The following SH3PXD2B variants were observed in gnomAD, a reference collection of about 807,000 sequenced individuals.
SH3PXD2B encodes SH3 and PX domains 2B.
SH3PXD2B carries 37 observed loss-of-function variants against 73.1 expected under a neutral mutation model. The observed-to-expected ratio is 0.51, with a 90% CI of 0.39 to 0.67. SH3PXD2B has a LOEUF of 0.67. Ranked by LOEUF, SH3PXD2B falls within the 30% of genes least tolerant of loss-of-function variation. SH3PXD2B has a pLI of 0.00. For missense variants in SH3PXD2B, 1,053 were observed against 1,197.8 expected, an observed-to-expected ratio of 0.88 and a Z score of 1.78; for synonymous variants, 457 against 480.5, an observed-to-expected ratio of 0.95 and a Z score of 0.64.
intron 1 of SH3PXD2B, among the ~76,000 whole-genome samples, chr5:172,423,278 C>T (rs905924694): frequency 1.4e-4 from 22 of 152,188 alleles, no homozygotes; most frequent in African/African-American, 5.1e-4. Context: ...ACCTGTGACC[C>T]ATTCCTGGAC....
chr5:172,374,100 A>C (rs1037127454), intron 5 of SH3PXD2B, among the ~76,000 whole-genome samples: 2 of 152,164 alleles, frequency 1.3e-5, no homozygotes, highest in African/African-American at 4.8e-5. Context: ...TTGCAGTTTG[A>C]AAATAGGAGT....
At chr5:172,373,693 A>G in intron 6 of SH3PXD2B, 97 bp downstream of exon 6, 1 of 1,385,448 alleles carries the variant, frequency 7.2e-7, no homozygotes, top group Admixed American at 2.0e-5. Flanking sequence ...ACATCACTGT[A>G]TCCTCAGCAT....
At chr5:172,381,447 G>A (rs2113371430) in intron 5 of SH3PXD2B, among the ~76,000 whole-genome samples, 1 of 152,358 alleles carries the variant, frequency 6.6e-6, no homozygotes, top group East Asian at 1.9e-4. Context: ...TAAGCAGGCG[G>A]TGCTAGAGTT....
chr5:172,387,448 T>C (rs1430216278), intron 4 of SH3PXD2B, among the ~76,000 whole-genome samples: 1 of 152,216 alleles, frequency 6.6e-6, no homozygotes, highest in African/African-American at 2.4e-5. Flanking sequence ...AGAAATATTC[T>C]CAGACACTCT....
intron 6 of SH3PXD2B, among the ~76,000 whole-genome samples, chr5:172,372,507 C>T (rs1757728387): frequency 6.6e-6 from 1 of 152,134 alleles, no homozygotes; most frequent in African/African-American, 2.4e-5. Context: ...TATAAATTAT[C>T]CAGTCACAGG....
intron 2 of SH3PXD2B, among the ~76,000 whole-genome samples, chr5:172,413,120 C>T (rs1372893918): frequency 1.3e-5 from 2 of 152,210 alleles, no homozygotes; most frequent in Non-Finnish European, 2.9e-5. Flanking sequence ...ATCACAAAAC[C>T]CCCAAGTCCC....
chr5:172,416,721 T>G (rs1758835562), intron 2 of SH3PXD2B, among the ~76,000 whole-genome samples: 3 of 117,622 alleles, frequency 2.6e-5, no homozygotes, highest in Non-Finnish European at 3.5e-5. Context: ...TTTTTTTTTT[T>G]TTTTTGATAT....
At chr5:172,431,788 G>A (rs1163385134) in intron 1 of SH3PXD2B, among the ~76,000 whole-genome samples, 1 of 152,102 alleles carries the variant, frequency 6.6e-6, no homozygotes, top group African/African-American at 2.4e-5. Flanking sequence ...AGAAATACAG[G>A]GTTAGGGTCT....
At chr5:172,402,114 C>A (rs1265213885) in intron 3 of SH3PXD2B, among the ~76,000 whole-genome samples, 1 of 152,144 alleles carries the variant, frequency 6.6e-6, no homozygotes, top group Non-Finnish European at 1.5e-5. Context: ...CAAGGAACAG[C>A]CCTGAGAAAG....
chr5:172,326,077 G>A (rs1477690927), intron 12 of SH3PXD2B, among the ~76,000 whole-genome samples: 2 of 152,166 alleles, frequency 1.3e-5, no homozygotes, highest in African/African-American at 2.4e-5. Flanking sequence ...GTGAGCCACC[G>A]CGCCTGGCTG....
chr5:172,439,719 C>CACAT (rs1759508467), intron 1 of SH3PXD2B, among the ~76,000 whole-genome samples: 1 of 151,910 alleles, frequency 6.6e-6, no homozygotes, highest in African/African-American at 2.4e-5. Context: ...CACACACACA[C>CACAT]ACACACACAC....
At chr5:172,386,218 G>C (rs1402044640) in intron 4 of SH3PXD2B, among the ~76,000 whole-genome samples, 1 of 152,166 alleles carries the variant, frequency 6.6e-6, no homozygotes, top group Non-Finnish European at 1.5e-5. Context: ...CATCTTGGAG[G>C]GCTGTGCTAT....
intron 12 of SH3PXD2B, among the ~76,000 whole-genome samples, chr5:172,342,320 G>A (rs185663041): frequency 2.1e-3 from 321 of 152,280 alleles, no homozygotes; most frequent in African/African-American, 7.2e-3. Context: ...CCTGTGAGTG[G>A]GGAACTGTCA....
rs1029631300 is a variant in SH3PXD2B, at chr5:172,445,912, A to T, written c.75+8366T>A. 1.3e-5 allele frequency among the ~76,000 whole-genome samples: 2 copies of T among 152,212 alleles called. No homozygotes were observed. Among genetic ancestry groups the T allele is most frequent in the African/African-American group, 2.4e-5 (1 of 41,458 alleles). On this transcript the variant is annotated intron_variant, in intron 1 of 12. Transcript: ENST00000311601. This position sits in a 1 kb window ranked among gnomAD's most constrained non-coding sequence, Gnocchi z 5.2. ...AGTTTGGAGAATGGGGCAGAGGCCG[A>T]TGGCTTGTGGCGGAGCTCAGGTCCG...
In SH3PXD2B at chr5:172,353,962, C is replaced by T; in HGVS notation, c.711G>A (p.Gln237=). The change falls in exon 9 of 13, where the codon CAG becomes CAA. Residue 237 remains glutamine, a synonymous_variant. Transcript: ENST00000311601. This position sits in a 1 kb window ranked among gnomAD's most constrained non-coding sequence, Gnocchi z 4.3. The part of the protein sequence containing the change: ...TVIYPYTARD[Q]DEMNLERGAV... ...CCCCTCTCTCCAGGTTCATTTCATC[C>T]TGGTCCCGAGCTGTGTACGGGTAGA... 6.2e-7 allele frequency: 1 copy of T among 1,614,154 alleles called. No homozygotes were observed. Among genetic ancestry groups the T allele is most frequent in the South Asian group, 1.1e-5 (1 of 91,084 alleles).
intron 3 of SH3PXD2B, among the ~76,000 whole-genome samples, chr5:172,401,058 G>A (rs1326965608): frequency 2.0e-5 from 3 of 152,212 alleles, no homozygotes; most frequent in Non-Finnish European, 4.4e-5. Flanking sequence ...TTTTGTTAAC[G>A]ATTGGCAAGC....
chr5:172,442,071 C>T (rs1024636702), intron 1 of SH3PXD2B, among the ~76,000 whole-genome samples: 2 of 152,196 alleles, frequency 1.3e-5, no homozygotes, highest in African/African-American at 4.8e-5. Flanking sequence ...TTACCGTAAT[C>T]ACTAACAACA....
intron 1 of SH3PXD2B, among the ~76,000 whole-genome samples, chr5:172,427,654 AGTT>A (rs1393304711): frequency 2.0e-5 from 3 of 151,664 alleles, no homozygotes; most frequent in South Asian, 2.1e-4. Context: ...CCTGGCTGGG[AGTT>A]GTTGTTTAAT....
chr5:172,332,889 G>A (rs970349027), downstream of SH3PXD2B, among the ~76,000 whole-genome samples: 7 of 151,578 alleles, frequency 4.6e-5, no homozygotes, highest in African/African-American at 1.2e-4. Context: ...CAGTCTCTGC[G>A]GCCCAAATGT....
Sources: allele counts gnomAD v4.1 joint callset (sites outside exome capture counted in the v4.1 genomes callset), GRCh38; gene constraint gnomAD v4.1.1; non-coding constraint Gnocchi (gnomAD v3.1); transcripts MANE v1.5; gene names NCBI Gene and HGNC (gene_info 2026-07-23, HGNC 2026-07-21).